The following MELTF variants were observed in gnomAD, a reference collection of about 807,000 sequenced individuals.
MELTF encodes the protein antigen p97 (melanoma associated) identified by monoclonal antibodies 133.2 and 96.5.
MELTF carries 67 observed loss-of-function variants against 83.7 expected under a neutral mutation model. The ratio of observed to expected loss-of-function variants is 0.80; its 90% confidence interval spans 0.66 to 0.98. The LOEUF (loss-of-function observed/expected upper bound fraction) is 0.98, where lower values mean the gene tolerates loss of function less well. Among genes scored for constraint, MELTF ranks in the 50% least tolerant of loss-of-function variants. The probability of loss-of-function intolerance (pLI) is 0.00; values close to 1 mark genes in which losing one functional copy is unlikely to be tolerated. For missense variants in MELTF, 1,002 were observed against 1,035.6 expected, an observed-to-expected ratio of 0.97 and a Z score of 0.44; for synonymous variants, 462 against 447.6, an observed-to-expected ratio of 1.03 and a Z score of -0.41.
chr3:197,009,358 AACAGCCAGG>A (rs1237731468), intron 11 of MELTF, among the ~76,000 whole-genome samples: 1 of 152,192 alleles, frequency 6.6e-6, no homozygotes, highest in Non-Finnish European at 1.5e-5. Flanking sequence ...TTTCTGAGTT[AACAGCCAGG>A]ACAGAGGTGT....
At chr3:197,028,561 A>G (rs1719956801) in intron 1 of MELTF, 1 of 152,840 alleles carries the variant, frequency 6.5e-6, no homozygotes, top group Non-Finnish European at 1.5e-5. Flanking sequence ...GAGCAGATAA[A>G]AACCCCACCT....
In MELTF at chr3:197,002,052, G is replaced by A. The variant is rs1187254950; in HGVS notation, c.*1320C>T. ...GACAAAGCTTGGTGGCCGAGGCCCA[G>A]GTCCTTGTGGCCCCTCCCGGTGGGG... is the stretch of plus-strand genomic sequence containing the variant. On this transcript the variant is annotated 3_prime_UTR_variant, in exon 16 of 16. Transcript: ENST00000296350. 1 of 152,290 alleles carries A rather than the reference G, an allele frequency of 6.6e-6. No homozygotes were observed. The highest frequency in any genetic ancestry group is 6.5e-5 in the Admixed American group (1 of 15,294). 9.4% of individuals were successfully genotyped at this position (152,290 alleles called of 1,614,324 possible). A position where few individuals can be genotyped will look rare whatever the true frequency, so the allele number is the denominator to read the frequency against.
intron 6 of MELTF, chr3:197,019,184 C>A (rs138679857): frequency 1.0e-6 from 1 of 1,001,488 alleles, no homozygotes; most frequent in Non-Finnish European, 1.2e-6. Flanking sequence ...TGTAGTCCTA[C>A]CCCCGCTTCC....
rs539928033 is a variant in MELTF, at chr3:197,029,099, C to T, written c.49+555G>A. The T allele has an allele frequency of 6.6e-6, 1 of 152,128 alleles. No homozygotes were observed. Among genetic ancestry groups the T allele is most frequent in the South Asian group, 2.1e-4 (1 of 4,808 alleles). 9.4% of individuals were successfully genotyped at this position (152,128 alleles called of 1,614,324 possible). ...CCCCTCGGCGGTCGCCGCCCGCGAT[C>T]CCCGCGAGCCGCTCCCCGAGGTCCC... On this transcript the variant is annotated intron_variant, in intron 1 of 15. Coordinates refer to ENST00000296350, the MANE Select transcript of MELTF (RefSeq NM_005929.6). The surrounding 1 kb of genome is among the most constrained non-coding windows in gnomAD (Gnocchi z 6.5).
rs1329916740 is a variant in MELTF, at chr3:197,001,763, G to GC, written c.*1608dup. On this transcript the variant is annotated 3_prime_UTR_variant, in exon 16 of 16. Transcript: ENST00000296350. ...AGTTTCTATCAGGGTCCAAGCCTCT[G>GC]CATGTGCTGGCTTGTTTGGCTTTAT... 1 of 152,022 alleles carries GC rather than the reference G, an allele frequency of 6.6e-6. No homozygotes were observed. The highest frequency in any genetic ancestry group is 2.4e-5 in the African/African-American group (1 of 41,364). The allele number at this position is 152,022 out of a possible 1,614,324, so 9.4% of individuals were successfully genotyped here. A position where few individuals can be genotyped will look rare whatever the true frequency, so the allele number is the denominator to read the frequency against.
intron 3 of MELTF, chr3:197,026,280 G>A (rs766881856): frequency 1.4e-4 from 28 of 204,238 alleles, no homozygotes; most frequent in Admixed American, 3.1e-4. Context: ...ACCCGGAGCC[G>A]GGCTTCTGAA....
chr3:197,027,786 G>C lies in MELTF; in HGVS notation c.174C>G (p.Thr58=). The change falls in exon 2 of 16, where the codon ACC becomes ACG. Residue 58 remains threonine (T), a synonymous_variant. Coordinates refer to ENST00000296350, the MANE Select transcript of MELTF (RefSeq NM_005929.6). ...IQPSLLCVRG[T]SADHCVQLIA... Reference sequence around the variant, plus strand: ...TGAGCTGGACGCAGTGGTCGGCGGAGGTGCCCCGGACGCAGAGGAGGGAGG... The same window carrying C: ...TGAGCTGGACGCAGTGGTCGGCGGACGTGCCCCGGACGCAGAGGAGGGAGG... 1 of 1,610,938 alleles carries C rather than the reference G, an allele frequency of 6.2e-7. No homozygotes were observed. Among genetic ancestry groups the C allele is most frequent in the Non-Finnish European group, 8.5e-7 (1 of 1,179,086 alleles).
At chr3:197,019,281 A>T (rs774532505) in intron 6 of MELTF, 16 of 1,041,974 alleles carry the variant, frequency 1.5e-5, no homozygotes, top group Non-Finnish European at 1.9e-5. Context: ...GGCATCATTT[A>T]GGTGCTTCCA....
Position 197,003,920 on chromosome 3 carries a change from AGAC to A in MELTF, c.2115_2117del (p.Ser706del), listed in dbSNP as rs764588336. 5 of 1,613,656 alleles carry A rather than the reference AGAC, an allele frequency of 3.1e-6. No homozygotes were observed. In the African/African-American group the frequency reaches 4.0e-5, roughly 13 times the overall value. On this transcript the variant is annotated inframe_deletion, in exon 15 of 16. Coordinates refer to ENST00000296350, the MANE Select transcript of MELTF (RefSeq NM_005929.6). This position sits in a 1 kb window ranked among gnomAD's most constrained non-coding sequence, Gnocchi z 6.2. ...TCCTACCTGCGCCCGAGCACTGCTGAGACGACATCCCTTCCAGCGCCGCCACGT... is the reference window on the plus strand; with the variant it reads ...TCCTACCTGCGCCCGAGCACTGCTGAGACATCCCTTCCAGCGCCGCCACGT...
At position 197,002,032 on chromosome 3, in the gene MELTF, A is replaced by G. The variant is rs937049727; in HGVS notation, c.*1340T>C. On this transcript the variant is annotated 3_prime_UTR_variant, in exon 16 of 16. Coordinates refer to ENST00000296350, the MANE Select transcript of MELTF (RefSeq NM_005929.6). ...AGCCCCCCACAGCGAGAGGGGACAA[A>G]GCTTGGTGGCCGAGGCCCAGGTCCT... The G allele has an allele frequency of 6.6e-6, 1 of 152,224 alleles. No individual in the cohort carries two copies. Among genetic ancestry groups the G allele is most frequent in the African/African-American group, 2.4e-5 (1 of 41,454 alleles). The allele number at this position is 152,224 out of a possible 1,614,324, so 9.4% of individuals were successfully genotyped here. A position where few individuals can be genotyped will look rare whatever the true frequency, so the allele number is the denominator to read the frequency against.
Position 197,016,298 on chromosome 3 carries a change from G to C in MELTF, c.972C>G (p.Leu324=). ...SSEAYGQKDL[L]FKDSTSELVP... is the part of the protein sequence containing the mutation. ...CAAGCTCCGAGGTAGAGTCTTTGAA[G>C]AGTAGATCCTTCTGGCCATAGGCCT... The change falls in exon 8 of 16, where the codon CTC becomes CTG. Residue 324 remains leucine, a synonymous_variant. Transcript: ENST00000296350. The C allele has an allele frequency of 6.2e-7, 1 of 1,613,120 alleles. No homozygotes were observed.
chr3:197,012,534 A>T (rs781580855), intron 9 of MELTF, among the ~76,000 whole-genome samples: 2 of 152,264 alleles, frequency 1.3e-5, no homozygotes, highest in Non-Finnish European at 2.9e-5. Flanking sequence ...GCCTGGGCAG[A>T]GTTGGCACTG....
Position 197,002,742 on chromosome 3 carries a change from TG to T in MELTF, c.*629del, listed in dbSNP as rs2108947254. ...CGGGATGGAGCTGGCGCGGCCACAG[TG>T]GGGGACGAGGCAGGGCACGCGGCGT... On this transcript the variant is annotated 3_prime_UTR_variant, in exon 16 of 16. Coordinates refer to ENST00000296350, the MANE Select transcript of MELTF (RefSeq NM_005929.6). 1 of 152,094 alleles carries T rather than the reference TG, an allele frequency of 6.6e-6. No individual in the cohort carries two copies. The highest frequency in any genetic ancestry group is 2.1e-4 in the South Asian group (1 of 4,824). The allele number at this position is 152,094 out of a possible 1,614,324, so 9.4% of individuals were successfully genotyped here. A position where few individuals can be genotyped will look rare whatever the true frequency, so the allele number is the denominator to read the frequency against.
rs1252205603 is a variant in MELTF, at chr3:197,022,621, C to T, written c.644+336G>A. Among the ~76,000 whole-genome samples the T allele has an allele frequency of 6.6e-6, 1 of 152,164 alleles. No individual in the cohort carries two copies. Among genetic ancestry groups the T allele is most frequent in the Non-Finnish European group, 1.5e-5 (1 of 68,030 alleles). ...CAGAGACGGGCCGGCCCCAGGTGTC[C>T]AGACACACTCCCCTGACCCCGCTCC... is the stretch of plus-strand genomic sequence containing the variant. On this transcript the variant is annotated intron_variant, in intron 5 of 15. Coordinates refer to ENST00000296350, the MANE Select transcript of MELTF (RefSeq NM_005929.6). This position sits in a 1 kb window ranked among gnomAD's most constrained non-coding sequence, Gnocchi z 5.1.
intron 7 of MELTF, among the ~76,000 whole-genome samples, chr3:197,016,846 G>T (rs1719396354): frequency 6.6e-6 from 1 of 152,212 alleles, no homozygotes; most frequent in African/African-American, 2.4e-5. Flanking sequence ...TTAGCTCTCA[G>T]AGACACAAGT....
chr3:197,017,871 T>C (rs1267045896), intron 6 of MELTF, among the ~76,000 whole-genome samples: 5 of 151,900 alleles, frequency 3.3e-5, no homozygotes, highest in Non-Finnish European at 5.9e-5. Context: ...AGCGAAACTC[T>C]GTCTCAAAAA....
At chr3:197,015,654 C>T in intron 8 of MELTF, 138 bp from the exon 9 acceptor site, 1 of 965,028 alleles carries the variant, frequency 1.0e-6, no homozygotes, top group Admixed American at 2.8e-5. Context: ...TCGGATCCCA[C>T]TTCCTCACAC....
chr3:197,004,070 G>A lies in MELTF; in HGVS notation c.1968C>T (p.Asn656=), dbSNP rs139824138. The A allele has an allele frequency of 1.2e-4, 186 of 1,614,140 alleles. No homozygotes were observed. Among genetic ancestry groups the A allele is most frequent in the Middle Eastern group, 4.9e-4 (3 of 6,062 alleles). ...TGGAGGAGTCGAACATTTTGAACCCGTTCTTATTGTGGTCGTCTCCAAACA... is the reference window on the plus strand; with the variant it reads ...TGGAGGAGTCGAACATTTTGAACCCATTCTTATTGTGGTCGTCTCCAAACA... ...QDLFGDDHNK[N]GFKMFDSSNY... The change falls in exon 15 of 16, where the codon AAC becomes AAT. Residue 656 remains asparagine (N), a synonymous_variant. Transcript: ENST00000296350.
At chr3:197,019,997 G>T in intron 6 of MELTF, among the ~76,000 whole-genome samples, 1 of 152,300 alleles carries the variant, frequency 6.6e-6, no homozygotes, top group East Asian at 1.9e-4. Context: ...TCAAGATCTC[G>T]ATTGTGGTGG....
Sources: allele counts gnomAD v4.1 joint callset (sites outside exome capture counted in the v4.1 genomes callset), GRCh38; gene constraint gnomAD v4.1.1; non-coding constraint Gnocchi (gnomAD v3.1); transcripts MANE v1.5; gene names NCBI Gene and HGNC (gene_info 2026-07-23, HGNC 2026-07-21).